LPP: variants seen among roughly 807,000 people sequenced by gnomAD.
The protein encoded by LPP is lipoma-preferred partner.
A neutral mutation model predicts 60.4 loss-of-function variants in LPP; 38 were observed. That is an observed-to-expected ratio of 0.63 (90% CI 0.49 to 0.83). LPP has a LOEUF of 0.83. LPP is among the 40% of genes least tolerant of loss of function. The pLI, the probability that LPP is intolerant of heterozygous loss-of-function variation, is 0.00. For synonymous variants in LPP, 328 were observed against 290.8 expected (o/e 1.13, Z -1.30); for missense variants, 902 against 783.6 (o/e 1.15, Z -1.80).
At position 188,226,236 on chromosome 3, in the gene LPP, T is replaced by C. The variant is rs546246337; in HGVS notation, c.-67+709T>C. On this transcript the variant is annotated intron_variant, in intron 2 of 11. Transcript: ENST00000617246. ...GATGGCCAGGCTGGTCTTGAACTCC[T>C]GACCTCAGGTAATCCACCCGCCTCA... Among the ~76,000 whole-genome samples the C allele has an allele frequency of 2.2e-3, 332 of 152,262 alleles. 1 individual carries two copies. Among genetic ancestry groups the C allele is most frequent in the African/African-American group, 7.6e-3 (315 of 41,534 alleles).
chr3:188,649,390 A>C (rs1025726838), intron 7 of LPP, among the ~76,000 whole-genome samples: 1 of 152,222 alleles, frequency 6.6e-6, no homozygotes, highest in Non-Finnish European at 1.5e-5. Flanking sequence ...GATGACAGCT[A>C]CATCACTGTG....
intron 6 of LPP, among the ~76,000 whole-genome samples, chr3:188,561,431 C>T (rs539760757): frequency 6.2e-4 from 94 of 152,144 alleles, no homozygotes; most frequent in African/African-American, 1.7e-3. Flanking sequence ...TAATGGAAAT[C>T]CATTCTATAC....
chr3:188,841,865 G>A (rs966119184), intron 9 of LPP, among the ~76,000 whole-genome samples: 1 of 152,104 alleles, frequency 6.6e-6, no homozygotes, highest in Non-Finnish European at 1.5e-5. Context: ...TGATGTATAG[G>A]AATGCTTGTG....
intron 2 of LPP, chr3:188,247,107 G>T (rs1484742584): frequency 4.6e-6 from 4 of 876,248 alleles, no homozygotes; most frequent in Non-Finnish European, 1.4e-6. Flanking sequence ...GGCCTCACTT[G>T]ACCCATCTGT....
intron 7 of LPP, among the ~76,000 whole-genome samples, chr3:188,676,509 A>C (rs2149317269): frequency 6.6e-6 from 1 of 152,340 alleles, no homozygotes; most frequent in Admixed American, 6.5e-5. Context: ...AGATTAAAAC[A>C]AACAACAGTT....
intron 2 of LPP, among the ~76,000 whole-genome samples, chr3:188,259,925 C>CT (rs144370915): frequency 0.02 from 2,990 of 147,546 alleles, 44 homozygotes; most frequent in African/African-American, 0.027. Context: ...AAATGACCTT[C>CT]TTTTTTTTTT....
At chr3:188,260,962 C>G (rs1262804577) in intron 2 of LPP, among the ~76,000 whole-genome samples, 2 of 152,122 alleles carry the variant, frequency 1.3e-5, no homozygotes, top group East Asian at 3.9e-4. Flanking sequence ...GTAGTCCCAG[C>G]TACTCAGGAG....
intron 1 of LPP, among the ~76,000 whole-genome samples, chr3:188,178,036 A>G (rs1723604781): frequency 6.6e-6 from 1 of 152,194 alleles, no homozygotes; most frequent in African/African-American, 2.4e-5. Context: ...GATATAGCTG[A>G]CACTGCAGCA....
intron 1 of LPP, among the ~76,000 whole-genome samples, chr3:188,196,244 G>A (rs1017198199): frequency 6.6e-6 from 1 of 152,142 alleles, no homozygotes; most frequent in Admixed American, 6.5e-5. Flanking sequence ...TTTATCTCCA[G>A]TTTGGAACTC....
intron 6 of LPP, among the ~76,000 whole-genome samples, chr3:188,564,154 A>G (rs1831524081): frequency 6.6e-6 from 1 of 152,024 alleles, no homozygotes; most frequent in African/African-American, 2.4e-5. Context: ...ATCAGACTTT[A>G]AAAAATATAA....
chr3:188,684,909 T>C (rs536153240), intron 7 of LPP, among the ~76,000 whole-genome samples: 1 of 152,338 alleles, frequency 6.6e-6, no homozygotes, highest in East Asian at 1.9e-4. Flanking sequence ...GAATATGTGC[T>C]AAAAGCATAT....
At chr3:188,487,482 G>C (rs1447630973) in intron 5 of LPP, among the ~76,000 whole-genome samples, 1 of 152,100 alleles carries the variant, frequency 6.6e-6, no homozygotes, top group East Asian at 1.9e-4. Flanking sequence ...TTGTCATGTT[G>C]GCTTAAGTTC....
intron 6 of LPP, among the ~76,000 whole-genome samples, chr3:188,538,603 G>A (rs370797868): frequency 6.6e-6 from 1 of 152,142 alleles, no homozygotes; most frequent in East Asian, 1.9e-4. Flanking sequence ...AAATGGCATA[G>A]CCCTTTTGGA....
chr3:188,192,907 C>T (rs1728571377), intron 1 of LPP, among the ~76,000 whole-genome samples: 1 of 152,232 alleles, frequency 6.6e-6, no homozygotes, highest in Non-Finnish European at 1.5e-5. Flanking sequence ...AGATGTACTG[C>T]TTTCCAATAC....
At chr3:188,856,509 G>T (rs74702496) in intron 9 of LPP, among the ~76,000 whole-genome samples, 1 of 152,068 alleles carries the variant, frequency 6.6e-6, no homozygotes, top group African/African-American at 2.4e-5. Context: ...TCTCTCCAGC[G>T]AAAAGAGCTT....
rs187435205 is a variant in LPP at position 188,406,455 on chromosome 3, C to G, written c.193+142C>G. The G allele has an allele frequency of 1.1e-5, 8 of 755,530 alleles. No individual in the cohort carries two copies. In the East Asian group the frequency reaches 2.2e-4, roughly 21 times the overall value. The allele number at this position is 755,530 out of a possible 1,614,324, so 46.8% of individuals were successfully genotyped here. On this transcript the variant is annotated intron_variant, in intron 4 of 11. Transcript: ENST00000617246. ...TCATAGGCTACTAAAAGTAAAGGAGCCCCCGGAAATAGTCTAGACCAACCC... is the reference window on the plus strand; with the variant it reads ...TCATAGGCTACTAAAAGTAAAGGAGGCCCCGGAAATAGTCTAGACCAACCC...
chr3:188,570,765 G>A (rs759734292), intron 6 of LPP, among the ~76,000 whole-genome samples: 3 of 151,956 alleles, frequency 2.0e-5, no homozygotes, highest in Non-Finnish European at 4.4e-5. Context: ...CAACAGGAAA[G>A]CAATAGATCT....
intron 7 of LPP, among the ~76,000 whole-genome samples, chr3:188,688,501 TTGGAAGA>T (rs1184257856): frequency 4.6e-5 from 7 of 152,118 alleles, no homozygotes; most frequent in African/African-American, 1.4e-4. Flanking sequence ...GCCAAGATAG[TTGGAAGA>T]TGGAAGTGTG....
chr3:188,746,705 C>T (rs1490282086), intron 8 of LPP: 1 of 335,260 alleles, frequency 3.0e-6, no homozygotes, highest in African/African-American at 2.1e-5. Context: ...TAAGGGAAAG[C>T]TCTTGACTTA....
Sources: allele counts gnomAD v4.1 joint callset (sites outside exome capture counted in the v4.1 genomes callset), GRCh38; gene constraint gnomAD v4.1.1; transcripts MANE v1.5; gene names NCBI Gene and HGNC (gene_info 2026-07-23, HGNC 2026-07-21).